Variants in SWAP70 observed in about 807,000 individuals in gnomAD.
SWAP70 encodes the protein switching B cell complex subunit SWAP70.
SWAP70 carries 34 observed loss-of-function variants against 80.2 expected under a neutral mutation model. That is an observed-to-expected ratio of 0.42 (90% CI 0.32 to 0.56). The LOEUF (loss-of-function observed/expected upper bound fraction) is 0.56. Among genes scored for constraint, SWAP70 ranks in the 20% least tolerant of loss-of-function variants. The probability of loss-of-function intolerance (pLI) is 0.09; values close to 1 mark genes in which losing one functional copy is unlikely to be tolerated. For missense variants in SWAP70, 578 were observed against 690.7 expected (o/e 0.84, Z 1.83); for synonymous variants, 239 against 238.5 (o/e 1.00, Z -0.02).
chr11:9,745,452 A>G (rs1480992216), intron 9 of SWAP70, among the ~76,000 whole-genome samples: 1 of 152,226 alleles, frequency 6.6e-6, no homozygotes, highest in African/African-American at 2.4e-5. Flanking sequence ...CCAAGAAGCT[A>G]ATTTAACATA....
chr11:9,746,005 C>T (rs572297926), intron 9 of SWAP70, among the ~76,000 whole-genome samples: 10 of 152,296 alleles, frequency 6.6e-5, no homozygotes, highest in South Asian at 4.1e-4. Context: ...GTGAGGATGC[C>T]GCTGGCGCCC....
chr11:9,682,298 A>G (rs530106926), intron 1 of SWAP70, among the ~76,000 whole-genome samples: 32 of 152,338 alleles, frequency 2.1e-4, no homozygotes, highest in African/African-American at 7.2e-4. Context: ...AATTAGATCC[A>G]GAAGGTGGAC....
chr11:9,682,328 T>C (rs1450790146), intron 1 of SWAP70, among the ~76,000 whole-genome samples: 2 of 152,108 alleles, frequency 1.3e-5, no homozygotes, highest in Non-Finnish European at 2.9e-5. Context: ...GAAAAAGAGA[T>C]AGAAGAAGAG....
chr11:9,694,217 G>T lies in SWAP70; in HGVS notation c.171G>T (p.Arg57Ser). 1.2e-6 allele frequency: 2 copies of T among 1,613,180 alleles called. No individual in the cohort carries two copies. Among genetic ancestry groups the T allele is most frequent in the South Asian group, 2.2e-5 (2 of 90,942 alleles). ...CAGTTGCCCTTGAAGAGCACTTCAG[G>T]GATGATGATGAGGGTCCAGTGTCCA... is the stretch of plus-strand genomic sequence containing the variant. ...HDPVALEEHFRDDDEGPVSNQ... is the reference protein window; with the variant it reads ...HDPVALEEHFSDDDEGPVSNQ... The change falls in exon 2 of 12, where the codon AGG becomes AGT. Residue 57 changes from arginine to serine, a missense_variant. Arg to Ser is a moderately radical substitution (Grantham distance 110). Transcript: ENST00000318950.
At chr11:9,677,168 C>G (rs1850512518) in intron 1 of SWAP70, among the ~76,000 whole-genome samples, 1 of 151,550 alleles carries the variant, frequency 6.6e-6, no homozygotes, top group African/African-American at 2.4e-5. Context: ...TATAAATTTG[C>G]AGAAGTCATA....
intron 1 of SWAP70, among the ~76,000 whole-genome samples, chr11:9,671,918 T>C (rs1460788999): frequency 9.1e-6 from 1 of 109,912 alleles, no homozygotes; most frequent in African/African-American, 3.7e-5. Context: ...ATAATAATTA[T>C]AATATAATTA....
intron 1 of SWAP70, among the ~76,000 whole-genome samples, chr11:9,671,701 TG>T (rs1316474424): frequency 5.9e-4 from 65 of 110,104 alleles, no homozygotes; most frequent in East Asian, 1.6e-3. Context: ...TATATTTCTA[TG>T]TATACATAGA....
At chr11:9,729,075 C>A (rs1325399601) in intron 5 of SWAP70, among the ~76,000 whole-genome samples, 1 of 152,130 alleles carries the variant, frequency 6.6e-6, no homozygotes, top group African/African-American at 2.4e-5. Flanking sequence ...GGGAGGTGCT[C>A]AGGATAAGAG....
chr11:9,736,913 G>A (rs971286824), intron 7 of SWAP70, among the ~76,000 whole-genome samples: 1 of 152,158 alleles, frequency 6.6e-6, no homozygotes, highest in Non-Finnish European at 1.5e-5. Flanking sequence ...GGTTCTGTCT[G>A]TCAGACGTTT....
At chr11:9,714,406 G>C (rs1851038510) in intron 3 of SWAP70, among the ~76,000 whole-genome samples, 1 of 152,052 alleles carries the variant, frequency 6.6e-6, no homozygotes. Flanking sequence ...GCATTTAAAG[G>C]GTTTAGTTTA....
chr11:9,749,371 C>G (rs1851555363), intron 11 of SWAP70, among the ~76,000 whole-genome samples, 188 bp downstream of exon 11: 1 of 152,102 alleles, frequency 6.6e-6, no homozygotes, highest in African/African-American at 2.4e-5. Flanking sequence ...CTTAACCTCC[C>G]AAGTAGCTGG....
chr11:9,671,609 G>GAAATATATTTCTATATAT lies in SWAP70; in HGVS notation c.99+7348_99+7349insTAAATATATTTCTATATA, dbSNP rs1247688872. On this transcript the variant is annotated intron_variant, in intron 1 of 11. Transcript: ENST00000318950. ...TTCTATATATAAATATATTTATATA[G>GAAATATATTTCTATATAT]AAATATATTTCTATATAAATATATA... Among the ~76,000 whole-genome samples, 3 of 15,634 alleles carry GAAATATATTTCTATATAT rather than the reference G, an allele frequency of 1.9e-4. 1 individual carries two copies. The highest frequency in any genetic ancestry group is 3.5e-4 in the Non-Finnish European group (3 of 8,592). 10.3% of individuals were successfully genotyped at this position (15,634 alleles called of 152,430 possible). A position where few individuals can be genotyped will look rare whatever the true frequency, so the allele number is the denominator to read the frequency against.
chr11:9,714,142 A>G (rs1473986872), intron 3 of SWAP70, among the ~76,000 whole-genome samples: 1 of 150,728 alleles, frequency 6.6e-6, no homozygotes, highest in Admixed American at 6.6e-5. Context: ...CCAAAGGAAA[A>G]AAATAATAGG....
At chr11:9,714,346 C>A (rs1006786135) in intron 3 of SWAP70, among the ~76,000 whole-genome samples, 2 of 152,214 alleles carry the variant, frequency 1.3e-5, no homozygotes, top group Non-Finnish European at 2.9e-5. Flanking sequence ...ATTTTCTCAT[C>A]TGTGAAATAA....
At chr11:9,737,056 AC>A (rs1422721337) in intron 7 of SWAP70, among the ~76,000 whole-genome samples, 4 of 152,176 alleles carry the variant, frequency 2.6e-5, no homozygotes, top group African/African-American at 9.7e-5. Flanking sequence ...CAACCAACAA[AC>A]CAACAACACT....
At chr11:9,670,955 A>T (rs1850369025) in intron 1 of SWAP70, among the ~76,000 whole-genome samples, 1 of 150,512 alleles carries the variant, frequency 6.6e-6, no homozygotes, top group African/African-American at 2.4e-5. Context: ...GGGTTTCACC[A>T]TGTTAGCCAG....
chr11:9,716,868 A>G (rs1264714793), intron 3 of SWAP70, among the ~76,000 whole-genome samples: 1 of 152,174 alleles, frequency 6.6e-6, no homozygotes, highest in Non-Finnish European at 1.5e-5. Context: ...CAAGGACGGA[A>G]CCTTGGGACC....
chr11:9,687,567 G>A (rs1850647879), intron 1 of SWAP70, among the ~76,000 whole-genome samples: 1 of 152,058 alleles, frequency 6.6e-6, no homozygotes, highest in Non-Finnish European at 1.5e-5. Flanking sequence ...TCTGAAGAGG[G>A]GTAAGTTGGT....
intron 2 of SWAP70, among the ~76,000 whole-genome samples, chr11:9,702,045 C>T (rs1265626215): frequency 7.2e-5 from 11 of 152,286 alleles, no homozygotes; most frequent in Middle Eastern, 6.8e-3. Flanking sequence ...TGGAAACATA[C>T]ACAAAAGAAA....
Sources: gnomAD v4.1 joint callset for allele counts (sites outside exome capture counted in the v4.1 genomes callset) on GRCh38, gnomAD v4.1.1 for gene constraint, MANE v1.5 for transcripts, NCBI Gene and HGNC (gene_info 2026-07-23, HGNC 2026-07-21) for gene names.